The following MPRIP variants were observed in gnomAD, a reference collection of about 807,000 sequenced individuals.
MPRIP encodes myosin phosphatase Rho-interacting protein.
A neutral mutation model predicts 234.9 loss-of-function variants in MPRIP; 59 were observed. That is an observed-to-expected ratio of 0.25 (90% CI 0.20 to 0.31). MPRIP has a LOEUF of 0.31. Ranked by LOEUF, MPRIP falls within the 10% of genes least tolerant of loss-of-function variation. The probability of loss-of-function intolerance (pLI) is 1.00; values close to 1 mark genes in which losing one functional copy is unlikely to be tolerated. For synonymous variants in MPRIP, 1,144 were observed against 1,263.9 expected (o/e 0.91, Z 2.01); for missense variants, 2,436 against 3,071.0 (o/e 0.79, Z 4.89).
chr17:17,056,547 A>T (rs946154895), intron 1 of MPRIP, among the ~76,000 whole-genome samples: 8 of 151,752 alleles, frequency 5.3e-5, no homozygotes, highest in Admixed American at 5.2e-4. Flanking sequence ...GCCAGCCAGC[A>T]GCTGTGGGCC....
intron 3 of MPRIP, among the ~76,000 whole-genome samples, chr17:17,090,548 G>A (rs879431106): frequency 6.6e-6 from 1 of 152,158 alleles, no homozygotes; most frequent in African/African-American, 2.4e-5. Flanking sequence ...GGTGTTGGCC[G>A]TCTGTCTGCA....
chr17:17,053,810 G>A (rs1330556525), intron 1 of MPRIP, among the ~76,000 whole-genome samples: 1 of 152,232 alleles, frequency 6.6e-6, no homozygotes, highest in Non-Finnish European at 1.5e-5. Flanking sequence ...CCACTGAGCT[G>A]CTCTGCACCA....
At position 17,126,926 on chromosome 17, in the gene MPRIP, C is replaced by G. The variant is rs1436118892; in HGVS notation, c.419+73C>G. ...GCCAACACCAGATGGGCCGCCTGCC[C>G]CTGTGGCAGTGTCGATGTTGTCTAC... On this transcript the variant is annotated intron_variant, in intron 4 of 23. Coordinates refer to ENST00000651222, the MANE Select transcript of MPRIP (RefSeq NM_001364716.4). 8 of 1,550,036 alleles carry G rather than the reference C, an allele frequency of 5.2e-6. No individual in the cohort carries two copies. In the South Asian group the frequency reaches 9.7e-5, roughly 19 times the overall value.
rs1171328470 is a variant in MPRIP at position 17,190,955 on chromosome 17, TTGTA to T, written c.*6064_*6067del. On this transcript the variant is annotated 3_prime_UTR_variant, in exon 24 of 24. Coordinates refer to ENST00000651222, the MANE Select transcript of MPRIP (RefSeq NM_001364716.4). ...ACTGCAGGGATTTTTGTGACAGAGT[TTGTA>T]TGGGTTTTTAAAAAAATCTTAGACA... is the stretch of plus-strand genomic sequence containing the variant. 1 of 152,186 alleles carries T rather than the reference TTGTA, an allele frequency of 6.6e-6. No individual in the cohort carries two copies. The highest frequency in any genetic ancestry group is 2.4e-5 in the African/African-American group (1 of 41,444). The allele number at this position is 152,186 out of a possible 1,614,324, so 9.4% of individuals were successfully genotyped here. A position where few individuals can be genotyped will look rare whatever the true frequency, so the allele number is the denominator to read the frequency against.
At chr17:17,063,555 AGAGT>A (rs1165674397) in intron 1 of MPRIP, among the ~76,000 whole-genome samples, 1 of 151,994 alleles carries the variant, frequency 6.6e-6, no homozygotes, top group African/African-American at 2.4e-5. Context: ...TGGGGTGAGA[AGAGT>A]GAGACCCACC....
intron 11 of MPRIP, among the ~76,000 whole-genome samples, chr17:17,148,217 G>A (rs951240565): frequency 3.9e-5 from 6 of 152,362 alleles, no homozygotes; most frequent in East Asian, 3.9e-4. Flanking sequence ...GGTGTCCAGC[G>A]TTGGGGAAGT....
chr17:17,152,418 T>G (rs2045623155), intron 12 of MPRIP, among the ~76,000 whole-genome samples: 1 of 152,236 alleles, frequency 6.6e-6, no homozygotes, highest in Non-Finnish European at 1.5e-5. Flanking sequence ...CACCCACTGA[T>G]CAACCCCTCC....
intron 3 of MPRIP, among the ~76,000 whole-genome samples, chr17:17,091,650 C>T (rs915265489): frequency 6.6e-6 from 1 of 152,194 alleles, no homozygotes; most frequent in African/African-American, 2.4e-5. Flanking sequence ...ACATCACATC[C>T]CTTGCGGTCC....
chr17:17,158,691 G>A lies in MPRIP; in HGVS notation c.2089G>A (p.Gly697Arg). ...HEPLRPEAEP[G>R]ELERERARRR... The stretch of plus-strand genomic sequence containing the variant: ...GCCCCTGCGCCCTGAGGCGGAGCCT[G>A]GGGAGCTGGAGCGGGAGCGTGCACG... Residue 697 changes from glycine to arginine, a missense_variant, in exon 14 of 24, where the codon GGG (glycine) becomes AGG (arginine). Gly to Arg is a moderately radical substitution (Grantham distance 125). Coordinates refer to ENST00000651222, the MANE Select transcript of MPRIP (RefSeq NM_001364716.4). 6.2e-7 allele frequency: 1 copy of A among 1,608,968 alleles called. No homozygotes were observed. The highest frequency in any genetic ancestry group is 8.5e-7 in the Non-Finnish European group (1 of 1,179,062).
Position 17,142,692 on chromosome 17 carries a change from A to C in MPRIP, c.1316A>C (p.Asn439Thr). ...GAGAAGGCAGAGCACATGGAGACCA[A>C]TGCAGTGGGGCCCTCACCATCCAGC... ...DIEKAEHMET[N>T]AVGPSPSSDT... Residue 439 changes from asparagine to threonine, a missense_variant, in exon 8 of 24, where the codon AAT becomes ACT. Physicochemically the swap from Asn to Thr is moderately conservative, Grantham distance 65 (BLOSUM62 0). Transcript: ENST00000651222. 6.2e-6 allele frequency: 10 copies of C among 1,612,294 alleles called. No individual in the cohort carries two copies. The highest frequency in any genetic ancestry group is 8.5e-6 in the Non-Finnish European group (10 of 1,180,010).
intron 1 of MPRIP, among the ~76,000 whole-genome samples, chr17:17,064,193 T>G (rs1597736027): frequency 7.0e-6 from 1 of 143,494 alleles, no homozygotes; most frequent in South Asian, 2.3e-4. Flanking sequence ...TGTTTTTCGG[T>G]TTTTTTTGTT....
At chr17:17,174,654 T>A (rs773929881) in intron 19 of MPRIP, among the ~76,000 whole-genome samples, 4 of 152,160 alleles carry the variant, frequency 2.6e-5, no homozygotes, top group Admixed American at 6.5e-5. Flanking sequence ...GCTAACATGG[T>A]GAAACCCCAT....
At position 17,143,604 on chromosome 17, in the gene MPRIP, T is replaced by C; in HGVS notation, c.1438T>C (p.Ser480Pro). ...PPAPLPDASA[S>P]PLSPHRRAKS... Reference sequence around the variant, plus strand: ...AGCTCCTCTCCCAGACGCCTCGGCTTCCCCCCTGTCTCCACACCGAAGAGC... The same window carrying C: ...AGCTCCTCTCCCAGACGCCTCGGCTCCCCCCCTGTCTCCACACCGAAGAGC... The change falls in exon 9 of 24, where the codon TCC (serine) becomes CCC (proline). Residue 480 changes from serine to proline, a missense_variant. This residue lies in a region of MPRIP where 267 missense variants were observed against 252.7 expected (regional missense o/e 1.06). Transcript: ENST00000651222. 6.2e-7 allele frequency: 1 copy of C among 1,603,614 alleles called. No homozygotes were observed. Among genetic ancestry groups the C allele is most frequent in the South Asian group, 1.1e-5 (1 of 88,782 alleles).
intron 23 of MPRIP, chr17:17,182,680 T>A (rs1597531881): frequency 6.6e-6 from 1 of 152,256 alleles, no homozygotes; most frequent in Non-Finnish European, 1.5e-5. Flanking sequence ...CCTTTGTCAC[T>A]GGGGCAGGAG....
rs574374138 is a variant in MPRIP, at chr17:17,051,454, G to A, written c.123+8483G>A. Among the ~76,000 whole-genome samples the A allele has an allele frequency of 3.3e-4, 51 of 152,326 alleles. No individual in the cohort carries two copies. In the South Asian group the frequency reaches 0.011, roughly 32 times the overall value. ...CAGCTGAATGACACCGTTGGACCAGGTGGATGGTTTTCAAGCTTTCATCAA... is the reference window on the plus strand; with the variant it reads ...CAGCTGAATGACACCGTTGGACCAGATGGATGGTTTTCAAGCTTTCATCAA... On this transcript the variant is annotated intron_variant, in intron 1 of 23. Coordinates refer to ENST00000651222, the MANE Select transcript of MPRIP (RefSeq NM_001364716.4).
At position 17,187,128 on chromosome 17, in the gene MPRIP, C is replaced by T. The variant is rs1212188333; in HGVS notation, c.*2234C>T. 6.6e-6 allele frequency: 1 copy of T among 152,280 alleles called. No homozygotes were observed. Among genetic ancestry groups the T allele is most frequent in the Non-Finnish European group, 1.5e-5 (1 of 68,082 alleles). The allele number at this position is 152,280 out of a possible 1,614,324, so 9.4% of individuals were successfully genotyped here. A position where few individuals can be genotyped will look rare whatever the true frequency, so the allele number is the denominator to read the frequency against. On this transcript the variant is annotated 3_prime_UTR_variant, in exon 24 of 24. Transcript: ENST00000651222. ...TCTGGCCAGAGTCCATGCTTGGAGA[C>T]AGGATCATCTGCCTTCAGCCCTCAC...
intron 7 of MPRIP, among the ~76,000 whole-genome samples, chr17:17,140,787 C>T (rs1475395568): frequency 6.6e-6 from 1 of 152,166 alleles, no homozygotes; most frequent in Non-Finnish European, 1.5e-5. Context: ...AAGTTGTTTT[C>T]CTGGTTGGCC....
In MPRIP at chr17:17,187,156, T is replaced by G. The variant is rs1450425401; in HGVS notation, c.*2262T>G. On this transcript the variant is annotated 3_prime_UTR_variant, in exon 24 of 24. Coordinates refer to ENST00000651222, the MANE Select transcript of MPRIP (RefSeq NM_001364716.4). Reference sequence around the variant, plus strand: ...GATCATCTGCCTTCAGCCCTCACAGTGCTTTAAATTAAAGCAAGTTTGCCC... The same window carrying G: ...GATCATCTGCCTTCAGCCCTCACAGGGCTTTAAATTAAAGCAAGTTTGCCC... The G allele has an allele frequency of 5.3e-5, 8 of 152,262 alleles. No individual in the cohort carries two copies. The East Asian group carries it at 1.5e-3, about 29-fold the overall frequency. 9.4% of individuals were successfully genotyped at this position (152,262 alleles called of 1,614,324 possible).
intron 5 of MPRIP, among the ~76,000 whole-genome samples, chr17:17,135,348 G>A (rs1176039988): frequency 2.0e-5 from 3 of 152,220 alleles, no homozygotes. Flanking sequence ...CTGGGCTACT[G>A]GCTTGTATCT....
Sources: allele counts gnomAD v4.1 joint callset (sites outside exome capture counted in the v4.1 genomes callset), GRCh38; gene constraint gnomAD v4.1.1; regional missense constraint gnomAD v4.1.1; transcripts MANE v1.5; gene names NCBI Gene and HGNC (gene_info 2026-07-23, HGNC 2026-07-21).